Variants in SUPT3H observed in about 807,000 individuals in gnomAD.
SUPT3H encodes SPT3 homolog, SAGA and STAGA complex component.
In SUPT3H, 44 loss-of-function variants were observed where a neutral mutation model predicts 44.3. That is an observed-to-expected ratio of 0.99 (90% CI 0.78 to 1.28). The LOEUF (loss-of-function observed/expected upper bound fraction) is 1.28, where lower values mean the gene tolerates loss of function less well. Among genes scored for constraint, SUPT3H ranks in the 50% most tolerant of loss-of-function variants. The pLI is 0.00. For missense variants in SUPT3H, 380 were observed against 387.1 expected, an observed-to-expected ratio of 0.98 and a Z score of 0.15; for synonymous variants, 124 against 125.6, an observed-to-expected ratio of 0.99 and a Z score of 0.09.
chr6:45,032,181 T>G (rs186727229), intron 3 of SUPT3H, among the ~76,000 whole-genome samples: 101 of 152,250 alleles, frequency 6.6e-4, no homozygotes, highest in Admixed American at 6.5e-3. Flanking sequence ...TATCCAAAGA[T>G]TGCTTGCATA....
chr6:44,970,436 A>C (rs1562164882), intron 6 of SUPT3H, among the ~76,000 whole-genome samples: 1 of 152,168 alleles, frequency 6.6e-6, no homozygotes, highest in East Asian at 1.9e-4. Context: ...TGTTTCCTTA[A>C]AATTGTAAAT....
chr6:45,328,826 G>A, intron 2 of SUPT3H: 1 of 1,584,134 alleles, frequency 6.3e-7, no homozygotes, highest in Non-Finnish European at 8.7e-7. Context: ...ATATGAACCT[G>A]TTAAACATAA....
intron 6 of SUPT3H, among the ~76,000 whole-genome samples, chr6:44,971,737 A>T (rs1167312294): frequency 2.0e-5 from 3 of 152,122 alleles, no homozygotes; most frequent in Admixed American, 6.5e-5. Flanking sequence ...TTTCAAAACC[A>T]ATCATGCCTT....
intron 2 of SUPT3H, among the ~76,000 whole-genome samples, chr6:45,295,465 T>C (rs1486808582): frequency 1.8e-5 from 2 of 114,218 alleles, no homozygotes; most frequent in Non-Finnish European, 3.6e-5. Context: ...TAAAAACAAA[T>C]GCAATAAGAA....
intron 2 of SUPT3H, among the ~76,000 whole-genome samples, chr6:45,184,271 A>G (rs1362136040): frequency 1.3e-5 from 2 of 152,236 alleles, no homozygotes; most frequent in East Asian, 3.8e-4. Flanking sequence ...ATGCTTAAAA[A>G]TGGCTAAATT....
Position 44,953,338 on chromosome 6 carries a change from G to C in SUPT3H, c.773C>G (p.Thr258Ser). The C allele has an allele frequency of 1.2e-6, 2 of 1,614,040 alleles. No individual in the cohort carries two copies. Among genetic ancestry groups the C allele is most frequent in the Non-Finnish European group, 8.5e-7 (1 of 1,179,952 alleles). ...AGCAGAGTTGTGATACTGAATGAAGGTTGCAGAAATGGCATGGCTGAAGGG... is the reference window on the plus strand; with the variant it reads ...AGCAGAGTTGTGATACTGAATGAAGCTTGCAGAAATGGCATGGCTGAAGGG... ...GDPFSHAISA[T>S]FIQYHNSAES... The change falls in exon 9 of 11, where the codon ACC (threonine) becomes AGC (serine). Residue 258 changes from threonine (T) to serine (S), a missense_variant. Thr to Ser is a moderately conservative substitution (Grantham distance 58). Coordinates refer to ENST00000371459, the MANE Select transcript of SUPT3H (RefSeq NM_003599.4).
At chr6:44,817,232 G>GAA (rs762104666) in intron 11 of SUPT3H, among the ~76,000 whole-genome samples, 7 of 128,460 alleles carry the variant, frequency 5.4e-5, no homozygotes, top group Admixed American at 7.9e-5. Context: ...CTATCACTGG[G>GAA]AAAAAAAAAA....
At chr6:45,315,340 T>C (rs903831552) in intron 2 of SUPT3H, among the ~76,000 whole-genome samples, 2 of 152,000 alleles carry the variant, frequency 1.3e-5, no homozygotes, top group Non-Finnish European at 2.9e-5. Flanking sequence ...CAAAGTAAAC[T>C]GACAACCCAC....
At chr6:45,267,908 G>A (rs527718460) in intron 2 of SUPT3H, among the ~76,000 whole-genome samples, 2 of 152,256 alleles carry the variant, frequency 1.3e-5, no homozygotes, top group South Asian at 4.2e-4. Flanking sequence ...TGCAATGCGA[G>A]GCAGAGCTGC....
At chr6:45,351,128 G>T (rs960334226) in intron 2 of SUPT3H, among the ~76,000 whole-genome samples, 25 of 152,052 alleles carry the variant, frequency 1.6e-4, no homozygotes, top group African/African-American at 5.8e-4. Context: ...TGCCTTCCAC[G>T]AAACTGGTCC....
chr6:45,144,640 G>C (rs1805744674), intron 2 of SUPT3H, among the ~76,000 whole-genome samples: 1 of 152,028 alleles, frequency 6.6e-6, no homozygotes, highest in Non-Finnish European at 1.5e-5. Context: ...CATAGTGCTG[G>C]AAGTCCTAGC....
At chr6:45,088,775 T>C (rs2153561812) in intron 3 of SUPT3H, among the ~76,000 whole-genome samples, 1 of 152,142 alleles carries the variant, frequency 6.6e-6, no homozygotes, top group Middle Eastern at 3.4e-3. Flanking sequence ...AGTATTTCTA[T>C]CAGTTTCTCA....
At chr6:45,282,004 C>G (rs1242508148) in intron 2 of SUPT3H, among the ~76,000 whole-genome samples, 1 of 152,176 alleles carries the variant, frequency 6.6e-6, no homozygotes, top group Admixed American at 6.5e-5. Context: ...CCAGCAAACT[C>G]CAACAGACCT....
At chr6:45,118,760 C>T (rs1275408471) in intron 2 of SUPT3H, among the ~76,000 whole-genome samples, 1 of 152,128 alleles carries the variant, frequency 6.6e-6, no homozygotes, top group Non-Finnish European at 1.5e-5. Context: ...CCCTAACTCA[C>T]CTTTCACCTC....
intron 2 of SUPT3H, among the ~76,000 whole-genome samples, chr6:45,261,237 T>A (rs1004240851): frequency 6.6e-6 from 1 of 151,874 alleles, no homozygotes; most frequent in African/African-American, 2.4e-5. Flanking sequence ...CCAGCATCAT[T>A]CTGATACCAA....
chr6:45,005,625 C>A (rs146136775), intron 5 of SUPT3H, among the ~76,000 whole-genome samples: 2 of 148,750 alleles, frequency 1.3e-5, no homozygotes, highest in Non-Finnish European at 3.0e-5. Flanking sequence ...CGCTTGAACC[C>A]GGGATACAGA....
At chr6:44,971,332 G>A (rs916142178) in intron 6 of SUPT3H, among the ~76,000 whole-genome samples, 5 of 152,058 alleles carry the variant, frequency 3.3e-5, no homozygotes, top group African/African-American at 1.2e-4. Context: ...TTCTCATGCT[G>A]CTATAAAGGA....
chr6:45,274,748 G>A (rs1201582236), intron 2 of SUPT3H, among the ~76,000 whole-genome samples: 3 of 152,106 alleles, frequency 2.0e-5, no homozygotes, highest in Non-Finnish European at 2.9e-5. Flanking sequence ...GCCAGGTGTG[G>A]TGTTGTATGC....
In SUPT3H at chr6:45,131,493, A is replaced by G. The variant is rs570717599; in HGVS notation, c.102-25487T>C. Among the ~76,000 whole-genome samples, 139 of 152,260 alleles carry G rather than the reference A, an allele frequency of 9.1e-4. 1 individual carries two copies. In the Middle Eastern group the frequency reaches 0.01, roughly 11 times the overall value. On this transcript the variant is annotated intron_variant, in intron 2 of 10. Transcript: ENST00000371459. ...ACAGCTTATGTTTATTTCCAAGCCTATATGTAACCACTGTACCTCAAGTAT... is the reference window on the plus strand; with the variant it reads ...ACAGCTTATGTTTATTTCCAAGCCTGTATGTAACCACTGTACCTCAAGTAT...
Sources: gnomAD v4.1 joint callset for allele counts (sites outside exome capture counted in the v4.1 genomes callset) on GRCh38, gnomAD v4.1.1 for gene constraint, MANE v1.5 for transcripts, NCBI Gene and HGNC (gene_info 2026-07-23, HGNC 2026-07-21) for gene names.